The following NTRK2 variants were observed in gnomAD, a reference collection of about 807,000 sequenced individuals.
NTRK2 encodes BDNF/NT-3 growth factors receptor.
In NTRK2, 13 loss-of-function variants were observed where a neutral mutation model predicts 94.5. The observed-to-expected ratio is 0.14, with a 90% CI of 0.09 to 0.22. NTRK2 has a LOEUF of 0.22. Ranked by LOEUF, NTRK2 falls within the 10% of genes least tolerant of loss-of-function variation. The probability of loss-of-function intolerance (pLI) is 1.00; values close to 1 mark genes in which losing one functional copy is unlikely to be tolerated. For synonymous variants in NTRK2, 372 were observed against 407.4 expected, an observed-to-expected ratio of 0.91 and a Z score of 1.05; for missense variants, 639 against 1,071.2, an observed-to-expected ratio of 0.60 and a Z score of 5.63.
intron 14 of NTRK2, chr9:84,871,787 A>G (rs1564413449): frequency 6.2e-7 from 1 of 1,613,292 alleles, no homozygotes; most frequent in Non-Finnish European, 8.5e-7. Context: ...ACTTTATTGC[A>G]GGGCCCAGAG....
intron 14 of NTRK2, among the ~76,000 whole-genome samples, chr9:84,887,462 G>A (rs554756475): frequency 6.6e-6 from 1 of 152,238 alleles, no homozygotes; most frequent in East Asian, 1.9e-4. Flanking sequence ...CCCCTGGAGG[G>A]GAAGATTTCC....
chr9:84,787,260 T>C (rs2068213591), intron 12 of NTRK2, among the ~76,000 whole-genome samples: 1 of 152,032 alleles, frequency 6.6e-6, no homozygotes, highest in African/African-American at 2.4e-5. Flanking sequence ...ATCACACCAC[T>C]GCACTCCAGC....
chr9:84,672,371 C>T (rs2058755422), intron 2 of NTRK2, among the ~76,000 whole-genome samples: 1 of 152,118 alleles, frequency 6.6e-6, no homozygotes, highest in South Asian at 2.1e-4. Context: ...AGAGCAGGAG[C>T]CAAGAGCGGA....
At chr9:84,922,763 T>C (rs551535159) in intron 14 of NTRK2, among the ~76,000 whole-genome samples, 160 of 152,340 alleles carry the variant, frequency 1.1e-3, no homozygotes, top group Admixed American at 1.4e-3. Context: ...TTCCTCTTAC[T>C]CATCCTTGAG....
In NTRK2 at chr9:84,754,623, A is replaced by G. The variant is rs75712805; in HGVS notation, c.1396+2538A>G. Among the ~76,000 whole-genome samples, 1,239 of 152,336 alleles carry G rather than the reference A, an allele frequency of 8.1e-3. 20 individuals carry two copies. The highest frequency in any genetic ancestry group is 0.044 in the East Asian group (227 of 5,190). On this transcript the variant is annotated intron_variant, in intron 12 of 18. Transcript: ENST00000277120. ...TTATGCTTCCGAAAATAACCAGGCA[A>G]TGTATTAGTTGTGGTTTCTTAGTAA...
intron 4 of NTRK2, among the ~76,000 whole-genome samples, chr9:84,705,322 A>T (rs2060978351): frequency 6.6e-6 from 1 of 152,148 alleles, no homozygotes; most frequent in Non-Finnish European, 1.5e-5. Flanking sequence ...GGACTGTGAG[A>T]AAAGCTGGTA....
intron 14 of NTRK2, among the ~76,000 whole-genome samples, chr9:84,869,904 T>G (rs1402310046): frequency 1.3e-5 from 2 of 151,968 alleles, no homozygotes; most frequent in Admixed American, 6.6e-5. Context: ...ATTAGCCAAT[T>G]TAAACAGATT....
At chr9:84,973,299 A>G (rs1826406277) in intron 17 of NTRK2, among the ~76,000 whole-genome samples, 1 of 152,184 alleles carries the variant, frequency 6.6e-6, no homozygotes, top group Admixed American at 6.5e-5. Context: ...TGACTGCTTC[A>G]CTATTCTCCA....
At chr9:84,924,291 GAAAGA>G in intron 14 of NTRK2, among the ~76,000 whole-genome samples, 1 of 145,402 alleles carries the variant, frequency 6.9e-6, no homozygotes, top group Non-Finnish European at 1.5e-5. Flanking sequence ...AAGAAAGAAA[GAAAGA>G]GGAAAAAAAG....
chr9:84,924,333 T>C (rs763741610), intron 14 of NTRK2, among the ~76,000 whole-genome samples: 2 of 151,056 alleles, frequency 1.3e-5, no homozygotes, highest in African/African-American at 4.9e-5. Context: ...GTGTGGGAGG[T>C]ACAAGGGTTG....
chr9:84,903,138 A>G (rs1261796811), intron 14 of NTRK2, among the ~76,000 whole-genome samples: 1 of 152,162 alleles, frequency 6.6e-6, no homozygotes, highest in Non-Finnish European at 1.5e-5. Flanking sequence ...TTAACATTTT[A>G]TTTTCTTGTT....
intron 17 of NTRK2, among the ~76,000 whole-genome samples, chr9:84,958,006 A>G (rs1023886182): frequency 2.0e-5 from 3 of 152,230 alleles, no homozygotes; most frequent in East Asian, 1.9e-4. Flanking sequence ...GCCACATACC[A>G]TATGATTCCA....
chr9:85,004,254 G>A (rs779609914), intron 17 of NTRK2, among the ~76,000 whole-genome samples: 1 of 151,980 alleles, frequency 6.6e-6, no homozygotes, highest in Non-Finnish European at 1.5e-5. Flanking sequence ...AAAGTCTGAT[G>A]TTCTTAAGTT....
chr9:84,830,538 CGTGTGTGTGT>C (rs60042932), intron 12 of NTRK2, among the ~76,000 whole-genome samples: 1 of 145,918 alleles, frequency 6.9e-6, no homozygotes, highest in African/African-American at 2.5e-5. Context: ...AGCATGCATG[CGTGTGTGTGT>C]GTGTGTGTGT....
chr9:84,841,160 C>T (rs973325137), intron 12 of NTRK2, among the ~76,000 whole-genome samples: 3 of 152,210 alleles, frequency 2.0e-5, no homozygotes, highest in African/African-American at 7.2e-5. Context: ...GCATTGCCCA[C>T]CTCTCGTTTC....
intron 14 of NTRK2, among the ~76,000 whole-genome samples, chr9:84,883,085 A>C (rs951533560): frequency 6.6e-6 from 1 of 152,166 alleles, no homozygotes; most frequent in Non-Finnish European, 1.5e-5. Flanking sequence ...ACACTTTCTA[A>C]GAATCAAATC....
chr9:84,840,102 T>A (rs935992333), intron 12 of NTRK2, among the ~76,000 whole-genome samples: 4 of 151,960 alleles, frequency 2.6e-5, no homozygotes, highest in African/African-American at 9.7e-5. Flanking sequence ...TCTTGCTGAT[T>A]AGGAAAAATA....
chr9:84,815,829 A>G, intron 12 of NTRK2: 1 of 805,650 alleles, frequency 1.2e-6, no homozygotes, highest in East Asian at 1.1e-4. Context: ...AGTGTGAGAA[A>G]TGTCACGGAG....
chr9:85,012,114 G>A (rs1196590736), intron 17 of NTRK2, among the ~76,000 whole-genome samples: 5 of 151,620 alleles, frequency 3.3e-5, no homozygotes, highest in South Asian at 4.2e-4. Flanking sequence ...TCAGCCTCCC[G>A]AGTAGCTGGG....
Sources: allele counts gnomAD v4.1 joint callset (sites outside exome capture counted in the v4.1 genomes callset), GRCh38; gene constraint gnomAD v4.1.1; transcripts MANE v1.5; gene names NCBI Gene and HGNC (gene_info 2026-07-23, HGNC 2026-07-21).